The following SWT1 variants were observed in gnomAD, a reference collection of about 807,000 sequenced individuals.
SWT1 encodes transcriptional protein SWT1.
Under a neutral mutation model 107.3 loss-of-function variants are expected in SWT1, and 33 were observed. That is an observed-to-expected ratio of 0.31 (90% CI 0.23 to 0.41). The LOEUF (loss-of-function observed/expected upper bound fraction) is 0.41, where lower values mean the gene tolerates loss of function less well. Among genes scored for constraint, SWT1 ranks in the 10% least tolerant of loss-of-function variants. The pLI is 1.00. For synonymous variants in SWT1, 345 were observed against 348.3 expected (o/e 0.99, Z 0.11); for missense variants, 898 against 1,028.9 (o/e 0.87, Z 1.74).
intron 16 of SWT1, among the ~76,000 whole-genome samples, chr1:185,265,435 TC>T (rs1663306121): frequency 6.6e-6 from 1 of 152,250 alleles, no homozygotes; most frequent in Non-Finnish European, 1.5e-5. Flanking sequence ...AGACTTTTTT[TC>T]CTTAGTGTTT....
intron 18 of SWT1, among the ~76,000 whole-genome samples, chr1:185,289,802 G>A (rs1206096506): frequency 6.6e-6 from 1 of 152,142 alleles, no homozygotes; most frequent in Non-Finnish European, 1.5e-5. Flanking sequence ...AAAAAAGTAT[G>A]AGTAGAAAAT....
intron 10 of SWT1, among the ~76,000 whole-genome samples, chr1:185,195,639 C>T (rs899990517): frequency 6.6e-6 from 1 of 152,210 alleles, no homozygotes; most frequent in African/African-American, 2.4e-5. Flanking sequence ...TCCTATTTCT[C>T]CACATTCTCT....
intron 7 of SWT1, among the ~76,000 whole-genome samples, chr1:185,183,484 T>C (rs147877285): frequency 1.1e-4 from 16 of 152,060 alleles, no homozygotes; most frequent in Non-Finnish European, 2.2e-4. Flanking sequence ...AGTTCCACTG[T>C]GTTGGCCAGG....
chr1:185,160,028 A>G (rs538007124), intron 1 of SWT1, among the ~76,000 whole-genome samples: 2 of 152,238 alleles, frequency 1.3e-5, no homozygotes, highest in East Asian at 1.9e-4. Flanking sequence ...GCCACAAGAT[A>G]TATTTTACAT....
chr1:185,170,539 C>T (rs1306920594), intron 4 of SWT1, among the ~76,000 whole-genome samples: 3 of 152,300 alleles, frequency 2.0e-5, no homozygotes, highest in Admixed American at 6.5e-5. Flanking sequence ...CCAGAGCTCT[C>T]GGCACAAAGG....
intron 4 of SWT1, among the ~76,000 whole-genome samples, chr1:185,173,418 G>A (rs955792141): frequency 1.3e-5 from 2 of 151,796 alleles, no homozygotes; most frequent in Non-Finnish European, 2.9e-5. Flanking sequence ...ATCAGGTTGG[G>A]CGTAGTGGCT....
intron 13 of SWT1, among the ~76,000 whole-genome samples, chr1:185,208,241 A>G (rs138903021): frequency 3.6e-3 from 552 of 152,296 alleles, no homozygotes; most frequent in South Asian, 0.029. Flanking sequence ...AAAAAATTGC[A>G]TATTCTATGA....
rs1370222219 is a variant in SWT1, at chr1:185,221,955, GTTC to G, written c.2230_2232del (p.Ser744del). ...AATCAAGAAATCACTGTTTTCTCGA[GTTC>G]TCATCTTCCCCAACCCAGCAGGCAT... On this transcript the variant is annotated inframe_deletion, in exon 15 of 19. Coordinates refer to ENST00000367500, the MANE Select transcript of SWT1 (RefSeq NM_017673.7). 1 of 1,612,614 alleles carries G rather than the reference GTTC, an allele frequency of 6.2e-7. No individual in the cohort carries two copies. Among genetic ancestry groups the G allele is most frequent in the Admixed American group, 1.7e-5 (1 of 59,804 alleles).
intron 10 of SWT1, among the ~76,000 whole-genome samples, chr1:185,190,861 C>T (rs983340112): frequency 1.3e-5 from 2 of 152,014 alleles, no homozygotes; most frequent in African/African-American, 4.8e-5. Context: ...AATTTTTATA[C>T]GATTCAGAAA....
chr1:185,188,498 G>A (rs1203068871), intron 9 of SWT1, among the ~76,000 whole-genome samples: 3 of 152,134 alleles, frequency 2.0e-5, no homozygotes, highest in Non-Finnish European at 4.4e-5. Flanking sequence ...CTGGTCATCT[G>A]ATCAAGAAAT....
At chr1:185,256,827 A>G (rs1157373518) in intron 16 of SWT1, among the ~76,000 whole-genome samples, 1 of 152,168 alleles carries the variant, frequency 6.6e-6, no homozygotes, top group Non-Finnish European at 1.5e-5. Flanking sequence ...CTGGTGAGGA[A>G]CTGCGTTCCT....
At chr1:185,240,088 T>C (rs1173356258) in intron 16 of SWT1, among the ~76,000 whole-genome samples, 2 of 152,072 alleles carry the variant, frequency 1.3e-5, no homozygotes, top group African/African-American at 4.8e-5. Flanking sequence ...GTGTTGTAGA[T>C]ATGTTTCTGT....
intron 18 of SWT1, among the ~76,000 whole-genome samples, chr1:185,287,637 G>C (rs1345853608): frequency 6.6e-6 from 1 of 152,202 alleles, no homozygotes. Flanking sequence ...TGACTCACTG[G>C]AGATGCTGCA....
chr1:185,227,025 T>C (rs1427804085), intron 15 of SWT1: 6 of 902,120 alleles, frequency 6.7e-6, no homozygotes, highest in Admixed American at 1.7e-5. Context: ...CTTTATGTAT[T>C]GAGAGAACTG....
At chr1:185,199,856 T>C (rs552998594) in intron 10 of SWT1, among the ~76,000 whole-genome samples, 1 of 152,206 alleles carries the variant, frequency 6.6e-6, no homozygotes, top group Non-Finnish European at 1.5e-5. Flanking sequence ...CTTGGTTCCA[T>C]TCTCCCTGTC....
At chr1:185,164,081 G>A (rs1183537879) in intron 2 of SWT1, among the ~76,000 whole-genome samples, 1 of 152,180 alleles carries the variant, frequency 6.6e-6, no homozygotes, top group African/African-American at 2.4e-5. Flanking sequence ...ATTAGCAAGC[G>A]TGAAAACAAC....
intron 16 of SWT1, chr1:185,263,269 G>A (rs1663155555): frequency 6.6e-6 from 1 of 151,664 alleles, no homozygotes; most frequent in Non-Finnish European, 1.5e-5. Context: ...CATAACAACA[G>A]CCAATACCCA....
chr1:185,235,617 G>A (rs1057198336), intron 16 of SWT1, among the ~76,000 whole-genome samples: 1 of 152,070 alleles, frequency 6.6e-6, no homozygotes, highest in Non-Finnish European at 1.5e-5. Context: ...TACTGAATGG[G>A]CAAAAACTGA....
chr1:185,247,253 T>G (rs1661680680), intron 16 of SWT1, among the ~76,000 whole-genome samples: 1 of 152,228 alleles, frequency 6.6e-6, no homozygotes, highest in Non-Finnish European at 1.5e-5. Flanking sequence ...ACTCCCACCT[T>G]ATCCCCTGGA....
Sources: gnomAD v4.1 joint callset for allele counts (sites outside exome capture counted in the v4.1 genomes callset) on GRCh38, gnomAD v4.1.1 for gene constraint, MANE v1.5 for transcripts, NCBI Gene and HGNC (gene_info 2026-07-23, HGNC 2026-07-21) for gene names.